Variants in ROBO1 observed in about 807,000 individuals in gnomAD.
ROBO1 encodes the protein roundabout guidance receptor 1.
ROBO1 carries 149 observed loss-of-function variants against 195.9 expected under a neutral mutation model. That is an observed-to-expected ratio of 0.76 (90% CI 0.67 to 0.87). The LOEUF is 0.87. Ranked by LOEUF, ROBO1 falls within the 40% of genes least tolerant of loss-of-function variation. ROBO1 has a pLI of 0.00. For missense variants in ROBO1, 1,933 were observed against 2,068.3 expected, an observed-to-expected ratio of 0.93 and a Z score of 1.27; for synonymous variants, 816 against 733.2, an observed-to-expected ratio of 1.11 and a Z score of -1.82.
intron 4 of ROBO1, among the ~76,000 whole-genome samples, chr3:78,883,847 T>C (rs979587387): frequency 4.6e-5 from 7 of 152,088 alleles, no homozygotes; most frequent in Non-Finnish European, 8.8e-5. Context: ...CTAGAAGAGA[T>C]TTCAGAGTGT....
At chr3:79,361,552 GAGC>G (rs2035771114) in intron 2 of ROBO1, among the ~76,000 whole-genome samples, 1 of 152,052 alleles carries the variant, frequency 6.6e-6, no homozygotes, top group South Asian at 2.1e-4. Flanking sequence ...CAAAAGCAGT[GAGC>G]AGTTTTTGTA....
At chr3:79,641,631 G>C (rs1233514196) in intron 1 of ROBO1, among the ~76,000 whole-genome samples, 1 of 152,140 alleles carries the variant, frequency 6.6e-6, no homozygotes. Flanking sequence ...TGAGCCCTCT[G>C]ACCAAGAATT....
chr3:79,539,164 A>G (rs1941977646), intron 2 of ROBO1, among the ~76,000 whole-genome samples: 1 of 152,182 alleles, frequency 6.6e-6, no homozygotes, highest in African/African-American at 2.4e-5. Context: ...CAATTGAAAC[A>G]TTACTTTAAG....
chr3:79,291,970 T>C (rs1427830304), intron 2 of ROBO1, among the ~76,000 whole-genome samples: 1 of 152,208 alleles, frequency 6.6e-6, no homozygotes, highest in Non-Finnish European at 1.5e-5. Context: ...TTATTCAGAA[T>C]TGTAGAAACA....
chr3:79,153,263 C>T (rs902260600), intron 2 of ROBO1, among the ~76,000 whole-genome samples: 9 of 151,686 alleles, frequency 5.9e-5, no homozygotes, highest in Admixed American at 6.6e-5. Flanking sequence ...TCGCTTAACC[C>T]TATCTTTATC....
rs192162456 is a variant in ROBO1, at chr3:78,658,730, A to C, written c.2442+956T>G. 4.9e-3 allele frequency among the ~76,000 whole-genome samples: 745 copies of C among 152,320 alleles called. 7 individuals are homozygous for C. The highest frequency in any genetic ancestry group is 8.1e-3 in the Non-Finnish European group (551 of 68,030). On this transcript the variant is annotated intron_variant, in intron 17 of 30. Coordinates refer to ENST00000464233, the MANE Select transcript of ROBO1 (RefSeq NM_002941.4). ...ATTTATCTTTTTATATTTTCTTTGAAAGTTAATATTATTTTAATATAGTTT... is the reference window on the plus strand; with the variant it reads ...ATTTATCTTTTTATATTTTCTTTGACAGTTAATATTATTTTAATATAGTTT...
At chr3:79,081,873 G>A (rs146472672) in intron 3 of ROBO1, among the ~76,000 whole-genome samples, 11 of 152,168 alleles carry the variant, frequency 7.2e-5, no homozygotes, top group African/African-American at 1.9e-4. Context: ...AATACTTAAA[G>A]GATTAAATGA....
At chr3:79,736,931 G>T (rs753601358) in intron 1 of ROBO1, among the ~76,000 whole-genome samples, 25 of 152,168 alleles carry the variant, frequency 1.6e-4, no homozygotes, top group Admixed American at 5.9e-4. Context: ...TAATTTAACT[G>T]TAGCTTGAAT....
chr3:79,650,165 A>AT (rs1945960642), intron 1 of ROBO1, among the ~76,000 whole-genome samples: 2 of 152,102 alleles, frequency 1.3e-5, no homozygotes, highest in Non-Finnish European at 2.9e-5. Context: ...GAAAAGTCCA[A>AT]TAAAAACTAC....
chr3:78,893,724 AT>A (rs1200175303), intron 4 of ROBO1, among the ~76,000 whole-genome samples: 1 of 152,206 alleles, frequency 6.6e-6, no homozygotes, highest in South Asian at 2.1e-4. Context: ...TAAATAAAAA[AT>A]GATGGCTTTT....
intron 2 of ROBO1, among the ~76,000 whole-genome samples, chr3:79,265,095 A>C (rs11921718): frequency 2.6e-5 from 4 of 151,882 alleles, no homozygotes; most frequent in African/African-American, 9.7e-5. Flanking sequence ...AATACCATCC[A>C]AAATCACATT....
chr3:79,720,889 T>A (rs1268645067), intron 1 of ROBO1, among the ~76,000 whole-genome samples: 2 of 151,688 alleles, frequency 1.3e-5, no homozygotes, highest in Non-Finnish European at 2.9e-5. Context: ...GCCTCCCAGG[T>A]TCACGCCATT....
In ROBO1 at chr3:78,943,292, A is replaced by G. The variant is rs1463026503; in HGVS notation, c.173-4365T>C. 1.3e-4 allele frequency among the ~76,000 whole-genome samples: 20 copies of G among 152,138 alleles called. 1 individual carries two copies. Among genetic ancestry groups the G allele is most frequent in the Non-Finnish European group, 2.9e-4 (20 of 68,024 alleles). On this transcript the variant is annotated intron_variant, in intron 3 of 30. Coordinates refer to ENST00000464233, the MANE Select transcript of ROBO1 (RefSeq NM_002941.4). ...GAGAGATGATGTACAGGAAGTAATG[A>G]CCAATTACAGAATCTGGATGTCACC...
At chr3:78,982,350 TAATC>T in intron 3 of ROBO1, among the ~76,000 whole-genome samples, 1 of 152,318 alleles carries the variant, frequency 6.6e-6, no homozygotes, top group African/African-American at 2.4e-5. Flanking sequence ...TTTCTCCTGT[TAATC>T]CATCCATTGT....
intron 7 of ROBO1, 56 bp from the exon 8 acceptor site, chr3:78,714,580 A>G: frequency 6.6e-7 from 1 of 1,509,864 alleles, no homozygotes; most frequent in Non-Finnish European, 9.0e-7. Context: ...GAAAGATCTC[A>G]TTATTATACA....
intron 5 of ROBO1, among the ~76,000 whole-genome samples, chr3:78,734,533 C>T (rs1348069866): frequency 1.3e-5 from 2 of 151,674 alleles, no homozygotes; most frequent in African/African-American, 4.8e-5. Flanking sequence ...AGCACTCCAG[C>T]CTGGACGACA....
intron 1 of ROBO1, among the ~76,000 whole-genome samples, chr3:79,653,943 A>C (rs1194763389): frequency 6.6e-6 from 1 of 151,982 alleles, no homozygotes; most frequent in African/African-American, 2.4e-5. Flanking sequence ...CATGTTAGGA[A>C]AGTATGTTTT....
chr3:79,709,346 T>C (rs1391817335), intron 1 of ROBO1, among the ~76,000 whole-genome samples: 4 of 152,148 alleles, frequency 2.6e-5, no homozygotes, highest in African/African-American at 7.2e-5. Context: ...TATGTAATTA[T>C]TATGTTTCAA....
intron 2 of ROBO1, among the ~76,000 whole-genome samples, chr3:79,175,898 A>T (rs1326900521): frequency 6.6e-6 from 1 of 152,238 alleles, no homozygotes; most frequent in Non-Finnish European, 1.5e-5. Flanking sequence ...TGTATAACTG[A>T]GAAAAATAAA....
Sources: allele counts gnomAD v4.1 joint callset (sites outside exome capture counted in the v4.1 genomes callset), GRCh38; gene constraint gnomAD v4.1.1; transcripts MANE v1.5; gene names NCBI Gene and HGNC (gene_info 2026-07-23, HGNC 2026-07-21).